The following RAB3IP variants were observed in gnomAD, a reference collection of about 807,000 sequenced individuals.
RAB3IP encodes the protein RAB3A interacting protein.
In RAB3IP, 36 loss-of-function variants were observed where a neutral mutation model predicts 59.1. The observed-to-expected ratio is 0.61, with a 90% CI of 0.47 to 0.80. The LOEUF (loss-of-function observed/expected upper bound fraction) is 0.80, where lower values mean the gene tolerates loss of function less well. Ranked by LOEUF, RAB3IP falls within the 30% of genes least tolerant of loss-of-function variation. The pLI, the probability that RAB3IP is intolerant of heterozygous loss-of-function variation, is 0.00. For missense variants in RAB3IP, 511 were observed against 536.0 expected (o/e 0.95, Z 0.46); for synonymous variants, 207 against 191.2 (o/e 1.08, Z -0.68).
Position 69,821,939 on chromosome 12 carries a change from A to G in RAB3IP, c.*6493A>G, listed in dbSNP as rs935359286. 6.6e-6 allele frequency: 1 copy of G among 152,182 alleles called. No homozygotes were observed. 9.4% of individuals were successfully genotyped at this position (152,182 alleles called of 1,614,324 possible). On this transcript the variant is annotated 3_prime_UTR_variant, in exon 11 of 11. Transcript: ENST00000247833. ...AGTTCGGAACCCCAATTCTAACCTT[A>G]GCTTCTCAGGCCATTAAATGAAATC...
At chr12:69,763,909 GCAT>G (rs1871777350) in intron 3 of RAB3IP, among the ~76,000 whole-genome samples, 1 of 152,202 alleles carries the variant, frequency 6.6e-6, no homozygotes, top group African/African-American at 2.4e-5. Context: ...GCCTCCAGCT[GCAT>G]CAGTGTTGCT....
chr12:69,762,598 A>T (rs1460552131), intron 3 of RAB3IP, among the ~76,000 whole-genome samples: 1 of 151,952 alleles, frequency 6.6e-6, no homozygotes. Flanking sequence ...TCTACTAAAA[A>T]TACAAAAAAT....
intron 10 of RAB3IP, among the ~76,000 whole-genome samples, chr12:69,814,030 A>G (rs1880832764): frequency 6.6e-6 from 1 of 152,180 alleles, no homozygotes; most frequent in Non-Finnish European, 1.5e-5. Context: ...AACCTAATTA[A>G]TGTTGAATTT....
intron 4 of RAB3IP, among the ~76,000 whole-genome samples, chr12:69,792,460 A>G (rs1876787140): frequency 6.6e-6 from 1 of 152,246 alleles, no homozygotes; most frequent in African/African-American, 2.4e-5. Flanking sequence ...GAGGAGTTGC[A>G]GCTGAGGCTG....
rs1197575263 is a variant in RAB3IP at position 69,822,798 on chromosome 12, A to G, written c.*7352A>G. On this transcript the variant is annotated 3_prime_UTR_variant, in exon 11 of 11. Coordinates refer to ENST00000247833, the MANE Select transcript of RAB3IP (RefSeq NM_022456.5). The stretch of plus-strand genomic sequence containing the variant: ...ATGTACCCCATAAATATGTACAACT[A>G]TTATGTATCCATAAAAATTGGAAAT... 1.3e-5 allele frequency: 2 copies of G among 152,198 alleles called. No individual in the cohort carries two copies. Among genetic ancestry groups the G allele is most frequent in the Non-Finnish European group, 2.9e-5 (2 of 68,018 alleles). The allele number at this position is 152,198 out of a possible 1,614,324, so 9.4% of individuals were successfully genotyped here. A position where few individuals can be genotyped will look rare whatever the true frequency, so the allele number is the denominator to read the frequency against.
chr12:69,783,680 A>G (rs1467760012), intron 3 of RAB3IP, among the ~76,000 whole-genome samples: 2 of 152,106 alleles, frequency 1.3e-5, no homozygotes, highest in African/African-American at 4.8e-5. Context: ...TTGCTCTCCG[A>G]GTTTTCTCCA....
Position 69,756,513 on chromosome 12 carries a change from G to A in RAB3IP, c.360G>A (p.Gln120=). The A allele has an allele frequency of 1.2e-6, 2 of 1,614,106 alleles. No homozygotes were observed. The highest frequency in any genetic ancestry group is 1.7e-6 in the Non-Finnish European group (2 of 1,180,000). Residue 120 remains glutamine (Q), a synonymous_variant, in exon 3 of 11, where the codon CAG becomes CAA. Transcript: ENST00000247833. ...DNYNAEREFL[Q]GATITEACDG... The stretch of plus-strand genomic sequence containing the variant: ...ATAATGCAGAGAGAGAGTTTTTACA[G>A]GGTGCTACTATAACAGAGGCTTGCG...
chr12:69,793,265 G>T (rs1876918550), intron 4 of RAB3IP, among the ~76,000 whole-genome samples: 1 of 152,148 alleles, frequency 6.6e-6, no homozygotes, highest in South Asian at 2.1e-4. Flanking sequence ...ATTTAAACTA[G>T]TATAAGCTGC....
intron 8 of RAB3IP, among the ~76,000 whole-genome samples, chr12:69,806,582 T>C (rs1211783091): frequency 6.8e-6 from 1 of 147,378 alleles, no homozygotes; most frequent in African/African-American, 2.5e-5. Context: ...TTTTTTTTTT[T>C]TTTTTTTTTT....
At chr12:69,806,280 G>T (rs1198167553) in intron 8 of RAB3IP, among the ~76,000 whole-genome samples, 4 of 152,142 alleles carry the variant, frequency 2.6e-5, no homozygotes, top group Non-Finnish European at 5.9e-5. Context: ...TAGTTTATTT[G>T]CATAGAGGTG....
chr12:69,795,204 T>TCTC lies in RAB3IP; in HGVS notation c.749_750insTCC (p.Pro251dup), dbSNP rs755490252. 56 of 1,613,898 alleles carry TCTC rather than the reference T, an allele frequency of 3.5e-5. No individual in the cohort carries two copies. The Middle Eastern group carries it at 2.5e-3, about 71-fold the overall frequency. On this transcript the variant is annotated inframe_insertion, in exon 6 of 11. Coordinates refer to ENST00000247833, the MANE Select transcript of RAB3IP (RefSeq NM_022456.5). ...ACTTGTATTGTCCAGTTCTCCAACA[T>TCTC]CACCTACGCAGGAGCCTTTGCCAGG... is the stretch of plus-strand genomic sequence containing the variant.
chr12:69,767,695 C>T (rs945100036), intron 3 of RAB3IP, among the ~76,000 whole-genome samples: 6 of 151,712 alleles, frequency 4.0e-5, no homozygotes, highest in Admixed American at 2.0e-4. Flanking sequence ...TATACCAAGG[C>T]CTCTGCACAG....
intron 6 of RAB3IP, among the ~76,000 whole-genome samples, chr12:69,799,101 G>T (rs1877977916): frequency 6.6e-6 from 1 of 152,120 alleles, no homozygotes; most frequent in African/African-American, 2.4e-5. Context: ...TTGATTCAAG[G>T]AATTTATGAA....
chr12:69,803,478 T>G (rs949440839), intron 8 of RAB3IP, among the ~76,000 whole-genome samples: 2 of 151,936 alleles, frequency 1.3e-5, no homozygotes, highest in African/African-American at 2.4e-5. Context: ...AGATTTGGTT[T>G]AAGTTTTTTT....
At position 69,819,788 on chromosome 12, in the gene RAB3IP, G is replaced by C. The variant is rs774876146; in HGVS notation, c.*4342G>C. The C allele has an allele frequency of 2.0e-5, 3 of 152,190 alleles. No individual in the cohort carries two copies. The highest frequency in any genetic ancestry group is 4.4e-5 in the Non-Finnish European group (3 of 68,044). The allele number at this position is 152,190 out of a possible 1,614,324, so 9.4% of individuals were successfully genotyped here. The stretch of plus-strand genomic sequence containing the variant: ...GCCTGGCCTAATGGAGACAGCTCTG[G>C]ATTGGGAGTCACTTAGACCTACATT... On this transcript the variant is annotated 3_prime_UTR_variant, in exon 11 of 11. Coordinates refer to ENST00000247833, the MANE Select transcript of RAB3IP (RefSeq NM_022456.5).
rs561537335 is a variant in RAB3IP, at chr12:69,819,591, C to T, written c.*4145C>T. ...GTGACAGAGAAGCAGCCTGCAAAGA[C>T]GAAAGGAGGAGCTGTTAGGAAGAGC... On this transcript the variant is annotated 3_prime_UTR_variant, in exon 11 of 11. Coordinates refer to ENST00000247833, the MANE Select transcript of RAB3IP (RefSeq NM_022456.5). 6 of 152,272 alleles carry T rather than the reference C, an allele frequency of 3.9e-5. No individual in the cohort carries two copies. Among genetic ancestry groups the T allele is most frequent in the Non-Finnish European group, 7.3e-5 (5 of 68,228 alleles). 9.4% of individuals were successfully genotyped at this position (152,272 alleles called of 1,614,324 possible).
Position 69,756,595 on chromosome 12 carries a change from C to G in RAB3IP, c.442C>G (p.Pro148Ala), listed in dbSNP as rs1463225803. 6.2e-7 allele frequency: 1 copy of G among 1,613,898 alleles called. No individual in the cohort carries two copies. The highest frequency in any genetic ancestry group is 1.6e-4 in the Middle Eastern group (1 of 6,062). Residue 148 changes from proline (P) to alanine (A), a missense_variant, in exon 3 of 11, where the codon CCA becomes GCA. Pro to Ala is a conservative substitution (Grantham distance 27, BLOSUM62 -1). Coordinates refer to ENST00000247833, the MANE Select transcript of RAB3IP (RefSeq NM_022456.5). ...STDSLSRLRS[P>A]SVLEVREKGY... ...TGATAGTCTGTCTCGTTTACGAAGC[C>G]CATCTGTTTTGGAAGTTAGAGAAAA...
At chr12:69,809,974 C>T (rs1376847741) in intron 8 of RAB3IP, among the ~76,000 whole-genome samples, 1 of 152,198 alleles carries the variant, frequency 6.6e-6, no homozygotes, top group Non-Finnish European at 1.5e-5. Flanking sequence ...GAGAGGCGCT[C>T]TGATTTTTAG....
chr12:69,803,491 T>A lies in RAB3IP; in HGVS notation c.1130+1770T>A, dbSNP rs183209157. On this transcript the variant is annotated intron_variant, in intron 8 of 10. Coordinates refer to ENST00000247833, the MANE Select transcript of RAB3IP (RefSeq NM_022456.5). Reference sequence around the variant, plus strand: ...AGAGATTTGGTTTAAGTTTTTTTTTTAATTTTTTTATTATTATTATTATAC... The same window carrying A: ...AGAGATTTGGTTTAAGTTTTTTTTTAAATTTTTTTATTATTATTATTATAC... Among the ~76,000 whole-genome samples the A allele has an allele frequency of 2.2e-4, 34 of 151,976 alleles. 1 individual carries two copies. The South Asian group carries it at 4.4e-3, about 19-fold the overall frequency.
Sources: gnomAD v4.1 joint callset for allele counts (sites outside exome capture counted in the v4.1 genomes callset) on GRCh38, gnomAD v4.1.1 for gene constraint, MANE v1.5 for transcripts, NCBI Gene and HGNC (gene_info 2026-07-23, HGNC 2026-07-21) for gene names.